Variants in ATE1 observed in about 807,000 individuals in gnomAD.
ATE1 encodes the protein arginyl-tRNA--protein transferase 1.
ATE1 carries 36 observed loss-of-function variants against 70.5 expected under a neutral mutation model. That is an observed-to-expected ratio of 0.51 (90% CI 0.39 to 0.67). ATE1 has a LOEUF of 0.67. Among genes scored for constraint, ATE1 ranks in the 30% least tolerant of loss-of-function variants. The pLI is 0.00. For synonymous variants in ATE1, 232 were observed against 219.3 expected, an observed-to-expected ratio of 1.06 and a Z score of -0.51; for missense variants, 593 against 629.5, an observed-to-expected ratio of 0.94 and a Z score of 0.62.
chr10:121,767,979 G>A (rs1339009621), intron 11 of ATE1, among the ~76,000 whole-genome samples: 1 of 152,180 alleles, frequency 6.6e-6, no homozygotes, highest in Non-Finnish European at 1.5e-5. Flanking sequence ...CCCAATGGAT[G>A]AACTGATAAA....
chr10:121,811,772 GTC>G (rs1334364039), intron 10 of ATE1, among the ~76,000 whole-genome samples: 2 of 151,942 alleles, frequency 1.3e-5, no homozygotes, highest in African/African-American at 4.8e-5. Flanking sequence ...ACTTAACTAT[GTC>G]TCTACATTTT....
intron 8 of ATE1, among the ~76,000 whole-genome samples, chr10:121,848,639 G>C (rs889101879): frequency 1.3e-5 from 2 of 149,526 alleles, no homozygotes; most frequent in Admixed American, 1.3e-4. Context: ...GGCCAGGTGC[G>C]GTGGCTCATG....
intron 3 of ATE1, among the ~76,000 whole-genome samples, chr10:121,920,085 T>C (rs749987511): frequency 2.6e-5 from 4 of 152,178 alleles, no homozygotes; most frequent in Non-Finnish European, 5.9e-5. Context: ...TAATTTTTCA[T>C]TTCTTAAAGT....
At chr10:121,748,369 G>A (rs544167071) in intron 11 of ATE1, among the ~76,000 whole-genome samples, 75 of 152,170 alleles carry the variant, frequency 4.9e-4, no homozygotes, top group African/African-American at 1.7e-3. Flanking sequence ...TTATTTTAAA[G>A]TGTATTCCCT....
At chr10:121,876,324 A>G (rs1481684797) in intron 7 of ATE1, among the ~76,000 whole-genome samples, 1 of 152,220 alleles carries the variant, frequency 6.6e-6, no homozygotes, top group Non-Finnish European at 1.5e-5. Flanking sequence ...ACATATCCTA[A>G]TTAATGAGCT....
At chr10:121,892,489 G>A (rs369787107) in intron 7 of ATE1, among the ~76,000 whole-genome samples, 13 of 147,398 alleles carry the variant, frequency 8.8e-5, no homozygotes, top group African/African-American at 3.2e-4. Context: ...GGACACAAAC[G>A]GTGACAAAAC....
In ATE1 at chr10:121,922,425, AAT is replaced by A. The variant is rs1951918160; in HGVS notation, c.171-16_171-15del. On this transcript the variant is annotated splice_polypyrimidine_tract_variant and intron_variant, in intron 2 of 11. Coordinates refer to ENST00000224652, the MANE Select transcript of ATE1 (RefSeq NM_001001976.3). ...TATTTTCCACTTCTAAAATTATAAAAATAGTTTGTTAATGTCTTATATATTTT... is the reference window on the plus strand; with the variant it reads ...TATTTTCCACTTCTAAAATTATAAAAAGTTTGTTAATGTCTTATATATTTT... 3 of 1,545,460 alleles carry A rather than the reference AAT, an allele frequency of 1.9e-6. No homozygotes were observed. The highest frequency in any genetic ancestry group is 1.7e-5 in the Admixed American group (1 of 58,342).
intron 9 of ATE1, among the ~76,000 whole-genome samples, chr10:121,839,313 G>A (rs1365217911): frequency 1.3e-5 from 2 of 152,026 alleles, no homozygotes; most frequent in Non-Finnish European, 2.9e-5. Context: ...TCAGTTTATT[G>A]AGCCATGAAA....
chr10:121,859,559 T>G (rs930260764), intron 8 of ATE1, among the ~76,000 whole-genome samples: 2 of 152,166 alleles, frequency 1.3e-5, no homozygotes, highest in African/African-American at 4.8e-5. Context: ...TATTATTTTA[T>G]TAAGAGATGT....
At chr10:121,762,896 T>C (rs1256953741) in intron 11 of ATE1, among the ~76,000 whole-genome samples, 1 of 152,248 alleles carries the variant, frequency 6.6e-6, no homozygotes, top group Non-Finnish European at 1.5e-5. Context: ...GGAACTTAAC[T>C]CTTGTTTATA....
At chr10:121,756,981 G>A (rs1944830938) in intron 11 of ATE1, among the ~76,000 whole-genome samples, 1 of 152,158 alleles carries the variant, frequency 6.6e-6, no homozygotes, top group East Asian at 1.9e-4. Context: ...CTTTTCTATT[G>A]TATTGTCAGG....
chr10:121,771,450 T>C (rs1159211808), intron 11 of ATE1, among the ~76,000 whole-genome samples: 1 of 152,204 alleles, frequency 6.6e-6, no homozygotes, highest in African/African-American at 2.4e-5. Flanking sequence ...ATTCCTAATA[T>C]GAACATAGGG....
intron 9 of ATE1, among the ~76,000 whole-genome samples, chr10:121,837,081 A>G (rs1397940141): frequency 6.6e-6 from 1 of 152,262 alleles, no homozygotes; most frequent in Non-Finnish European, 1.5e-5. Context: ...AACTTCAAGC[A>G]GCATAAAATT....
intron 10 of ATE1, among the ~76,000 whole-genome samples, chr10:121,824,536 T>C (rs1269023047): frequency 6.6e-6 from 1 of 152,136 alleles, no homozygotes; most frequent in Admixed American, 6.5e-5. Flanking sequence ...GAATTCCAAT[T>C]CTCACAATCA....
In ATE1 at chr10:121,805,642, A is replaced by G. The variant is rs61874371; in HGVS notation, c.1258-15353T>C. ...AAATTGTATAAAGAAATGTATTTAC[A>G]GTTCAACTGTCAGCAGCTTTTCATT... is the stretch of plus-strand genomic sequence containing the variant. On this transcript the variant is annotated intron_variant, in intron 10 of 11. Coordinates refer to ENST00000224652, the MANE Select transcript of ATE1 (RefSeq NM_001001976.3). Among the ~76,000 whole-genome samples, 567 of 152,368 alleles carry G rather than the reference A, an allele frequency of 3.7e-3. 4 individuals carry two copies. The highest frequency in any genetic ancestry group is 5.3e-3 in the Non-Finnish European group (361 of 68,030).
intron 8 of ATE1, among the ~76,000 whole-genome samples, chr10:121,869,451 G>T (rs1189195620): frequency 6.6e-6 from 1 of 152,096 alleles, no homozygotes; most frequent in East Asian, 1.9e-4. Flanking sequence ...TTTATCACTG[G>T]ATTCTCAGTT....
intron 8 of ATE1, among the ~76,000 whole-genome samples, chr10:121,860,495 G>C (rs1949429320): frequency 6.6e-6 from 1 of 152,132 alleles, no homozygotes; most frequent in Non-Finnish European, 1.5e-5. Context: ...GAATTTAAAT[G>C]TTTCCATGAA....
intron 11 of ATE1, among the ~76,000 whole-genome samples, chr10:121,744,268 T>C (rs1944257989): frequency 6.6e-6 from 1 of 152,082 alleles, no homozygotes; most frequent in African/African-American, 2.4e-5. Flanking sequence ...ATAAAAATTA[T>C]GTATTAAGAT....
chr10:121,849,025 A>G (rs1230200557), intron 8 of ATE1, among the ~76,000 whole-genome samples: 1 of 152,110 alleles, frequency 6.6e-6, no homozygotes, highest in East Asian at 1.9e-4. Context: ...AGCCTGGCCA[A>G]CGTGGTGAAA....
Sources: gnomAD v4.1 joint callset for allele counts (sites outside exome capture counted in the v4.1 genomes callset) on GRCh38, gnomAD v4.1.1 for gene constraint, MANE v1.5 for transcripts, NCBI Gene and HGNC (gene_info 2026-07-23, HGNC 2026-07-21) for gene names.